ATP10A: variants seen among roughly 807,000 people sequenced by gnomAD.
ATP10A encodes the protein ATPase phospholipid transporting 10A (putative), also known as phospholipid-transporting ATPase VA.
Under a neutral mutation model 147.8 loss-of-function variants are expected in ATP10A, and 111 were observed. The observed-to-expected ratio is 0.75, with a 90% CI of 0.64 to 0.88. The LOEUF (loss-of-function observed/expected upper bound fraction) is 0.88. Ranked by LOEUF, ATP10A falls within the 40% of genes least tolerant of loss-of-function variation. The probability of loss-of-function intolerance (pLI) is 0.00; values close to 1 mark genes in which losing one functional copy is unlikely to be tolerated. For synonymous variants in ATP10A, 875 were observed against 841.6 expected (o/e 1.04, Z -0.69); for missense variants, 1,927 against 1,959.0 (o/e 0.98, Z 0.31).
At chr15:25,843,470 T>C (rs951522167) in intron 1 of ATP10A, among the ~76,000 whole-genome samples, 1 of 151,986 alleles carries the variant, frequency 6.6e-6, no homozygotes, top group Non-Finnish European at 1.5e-5. Context: ...GATGATAGAT[T>C]TTCCCAAACC....
At chr15:25,803,302 G>A (rs60015108) in intron 1 of ATP10A, among the ~76,000 whole-genome samples, 5 of 152,278 alleles carry the variant, frequency 3.3e-5, no homozygotes, top group South Asian at 2.1e-4. Flanking sequence ...GCATTCATGC[G>A]TTCATTCAGG....
intron 12 of ATP10A, among the ~76,000 whole-genome samples, chr15:25,706,355 G>A (rs80265166): frequency 2.6e-5 from 4 of 152,174 alleles, no homozygotes; most frequent in African/African-American, 4.8e-5. Flanking sequence ...CCACACAACC[G>A]CTCAGTGCCA....
chr15:25,780,663 A>T (rs1293492431), intron 2 of ATP10A, among the ~76,000 whole-genome samples: 1 of 152,240 alleles, frequency 6.6e-6, no homozygotes, highest in Non-Finnish European at 1.5e-5. Context: ...GGAACAGGCC[A>T]TGACTCCTGC....
chr15:25,753,952 T>C (rs1398633105), intron 2 of ATP10A, among the ~76,000 whole-genome samples: 2 of 151,928 alleles, frequency 1.3e-5, no homozygotes, highest in Admixed American at 6.6e-5. Context: ...AATTTTTTGT[T>C]CTTGTAGAGA....
intron 1 of ATP10A, among the ~76,000 whole-genome samples, chr15:25,797,454 C>T (rs1431573275): frequency 6.6e-6 from 1 of 152,220 alleles, no homozygotes; most frequent in Non-Finnish European, 1.5e-5. Context: ...GCCCCCACCC[C>T]ACCCTTTCAG....
At chr15:25,745,964 G>A (rs1327393927) in intron 2 of ATP10A, among the ~76,000 whole-genome samples, 1 of 152,064 alleles carries the variant, frequency 6.6e-6, no homozygotes, top group African/African-American at 2.4e-5. Flanking sequence ...AGAGAAAAAA[G>A]AATACATCAG....
At chr15:25,691,677 GC>G in intron 15 of ATP10A, 37 bp downstream of exon 15, 2 of 1,605,236 alleles carry the variant, frequency 1.2e-6, no homozygotes, top group Non-Finnish European at 1.7e-6. Context: ...GGTCAGTAGG[GC>G]CAATTGGTCA....
downstream of ATP10A, among the ~76,000 whole-genome samples, chr15:25,672,348 C>G (rs2925301): frequency 6.6e-6 from 1 of 152,236 alleles, no homozygotes; most frequent in Admixed American, 6.5e-5. Context: ...ATAATATCCC[C>G]TTCTATGTAG....
chr15:25,775,539 A>G, intron 2 of ATP10A, among the ~76,000 whole-genome samples: 1 of 152,222 alleles, frequency 6.6e-6, no homozygotes. Context: ...GGAAGTTTCC[A>G]TACTCCTTTT....
At chr15:25,752,184 C>A (rs904311490) in intron 2 of ATP10A, among the ~76,000 whole-genome samples, 3 of 152,130 alleles carry the variant, frequency 2.0e-5, no homozygotes, top group African/African-American at 7.2e-5. Flanking sequence ...GATTTGAAAT[C>A]AGTTTGCCAA....
At chr15:25,740,660 G>A (rs1887537979) in intron 2 of ATP10A, among the ~76,000 whole-genome samples, 1 of 152,224 alleles carries the variant, frequency 6.6e-6, no homozygotes, top group East Asian at 1.9e-4. Flanking sequence ...CATCACGCCT[G>A]GACATGGTCC....
At chr15:25,829,632 G>T (rs1004644016) in intron 1 of ATP10A, among the ~76,000 whole-genome samples, 4 of 152,132 alleles carry the variant, frequency 2.6e-5, no homozygotes, top group Non-Finnish European at 4.4e-5. Context: ...GGACAGAGAT[G>T]AGGCATTTAG....
chr15:25,737,101 T>C (rs1260941123), intron 2 of ATP10A, among the ~76,000 whole-genome samples: 4 of 152,258 alleles, frequency 2.6e-5, no homozygotes, highest in African/African-American at 4.8e-5. Flanking sequence ...GGGCGTGTGC[T>C]AGATAATCGT....
chr15:25,789,302 C>T (rs1890304854), intron 1 of ATP10A, among the ~76,000 whole-genome samples: 1 of 152,092 alleles, frequency 6.6e-6, no homozygotes, highest in Non-Finnish European at 1.5e-5. Context: ...GTTAATGAAC[C>T]TAACATGCAG....
intron 1 of ATP10A, among the ~76,000 whole-genome samples, chr15:25,790,472 A>G (rs1294550721): frequency 6.6e-6 from 1 of 152,176 alleles, no homozygotes; most frequent in African/African-American, 2.4e-5. Context: ...ATGTTGTCCC[A>G]GCGGAACTCA....
intron 2 of ATP10A, among the ~76,000 whole-genome samples, chr15:25,741,408 T>C (rs866377936): frequency 2.0e-5 from 3 of 152,148 alleles, no homozygotes; most frequent in Non-Finnish European, 4.4e-5. Context: ...TAGTTCCTCT[T>C]TTTAAAGTGC....
chr15:25,739,133 G>A (rs1272561238), intron 2 of ATP10A, among the ~76,000 whole-genome samples: 3 of 152,144 alleles, frequency 2.0e-5, no homozygotes, highest in Non-Finnish European at 4.4e-5. Context: ...GCAGTGGCGG[G>A]ATTTTGGCTC....
At chr15:25,862,218 G>A (rs1893792601) in intron 1 of ATP10A, 3 of 463,670 alleles carry the variant, frequency 6.5e-6, no homozygotes, top group South Asian at 3.1e-5. Context: ...AGCAGACTGA[G>A]CTTTACTGTC....
intron 5 of ATP10A, among the ~76,000 whole-genome samples, chr15:25,725,069 G>A (rs1210165419): frequency 6.6e-6 from 1 of 152,156 alleles, no homozygotes; most frequent in Admixed American, 6.6e-5. Context: ...GAGGTGAGTG[G>A]CAGGTGAGTG....
Sources: allele counts gnomAD v4.1 joint callset (sites outside exome capture counted in the v4.1 genomes callset), GRCh38; gene constraint gnomAD v4.1.1; transcripts MANE v1.5; gene names NCBI Gene and HGNC (gene_info 2026-07-23, HGNC 2026-07-21).